Variants in GTPBP1 observed in about 807,000 individuals in gnomAD.
The protein encoded by GTPBP1 is GTP-binding protein 1.
Under a neutral mutation model 62.0 loss-of-function variants are expected in GTPBP1, and 23 were observed. The observed-to-expected ratio is 0.37, with a 90% confidence interval of 0.27 to 0.53. GTPBP1 has a LOEUF of 0.53. GTPBP1 is among the 20% of genes least tolerant of loss of function. GTPBP1 has a pLI of 0.89. For missense variants in GTPBP1, 640 were observed against 917.3 expected, an observed-to-expected ratio of 0.70 and a Z score of 3.90; for synonymous variants, 344 against 364.4, an observed-to-expected ratio of 0.94 and a Z score of 0.64.
chr22:38,736,224 C>T (rs979124845), downstream of GTPBP1: 15 of 1,573,838 alleles, frequency 9.5e-6, no homozygotes, highest in Non-Finnish European at 1.3e-5. Context: ...GGGTGCTGTT[C>T]ACCCACTCCC....
chr22:38,715,892 G>T lies in GTPBP1; in HGVS notation c.305-15G>T. The stretch of plus-strand genomic sequence containing the variant: ...GGACTCCCTCTCCTGCTGATGTCTG[G>T]GCTCTTGTCACCAGATGGGACTGAG... On this transcript the variant is annotated splice_polypyrimidine_tract_variant and intron_variant, in intron 2 of 11. Coordinates refer to ENST00000216044, the MANE Select transcript of GTPBP1 (RefSeq NM_004286.5). 1 of 1,593,510 alleles carries T rather than the reference G, an allele frequency of 6.3e-7. No individual in the cohort carries two copies. The highest frequency in any genetic ancestry group is 8.6e-7 in the Non-Finnish European group (1 of 1,169,234).
chr22:38,732,408 C>T lies in GTPBP1; in HGVS notation c.*1704C>T, dbSNP rs554509876. 1 of 152,578 alleles carries T rather than the reference C, an allele frequency of 6.6e-6. No individual in the cohort carries two copies. The highest frequency in any genetic ancestry group is 1.9e-4 in the East Asian group (1 of 5,172). 9.5% of individuals were successfully genotyped at this position (152,578 alleles called of 1,614,324 possible). On this transcript the variant is annotated 3_prime_UTR_variant, in exon 12 of 12. Coordinates refer to ENST00000216044, the MANE Select transcript of GTPBP1 (RefSeq NM_004286.5). ...TGGCTTCCGTGTTCAGGCTCCCTCA[C>T]CAGCTGGTGACACGGGACAAGCTTA...
intron 4 of GTPBP1, among the ~76,000 whole-genome samples, chr22:38,717,593 C>T (rs1004239180): frequency 3.3e-5 from 5 of 152,196 alleles, no homozygotes; most frequent in African/African-American, 4.8e-5. Flanking sequence ...TAGGGTCGAG[C>T]GTGATTAAAT....
Position 38,716,516 on chromosome 22 carries a change from C to T in GTPBP1, c.486-136C>T. ...GAACCTTCCCACTGTGCTCCTCCGG[C>T]TCAAGGAGGAGCTGTGAGCCGGAGG... On this transcript the variant is annotated intron_variant, in intron 3 of 11. Coordinates refer to ENST00000216044, the MANE Select transcript of GTPBP1 (RefSeq NM_004286.5). This position sits in a 1 kb window ranked among gnomAD's most constrained non-coding sequence, Gnocchi z 5.2. 3 of 663,344 alleles carry T rather than the reference C, an allele frequency of 4.5e-6. No individual in the cohort carries two copies. Among genetic ancestry groups the T allele is most frequent in the Non-Finnish European group, 7.9e-6 (3 of 380,254 alleles). 41.1% of individuals were successfully genotyped at this position (663,344 alleles called of 1,614,324 possible). A position where few individuals can be genotyped will look rare whatever the true frequency, so the allele number is the denominator to read the frequency against.
chr22:38,742,399 T>C, downstream of GTPBP1: 1 of 1,613,324 alleles, frequency 6.2e-7, no homozygotes, highest in Non-Finnish European at 8.5e-7. Context: ...TCCTCGTGGC[T>C]CAGGCCACCA....
Position 38,727,422 on chromosome 22 carries a change from G to A in GTPBP1, c.1537+74G>A. The stretch of plus-strand genomic sequence containing the variant: ...CCTCAGAAGGTGTTCCAGCAACCCA[G>A]GCCCCCTAGTTCCAGCTGCAGCTGG... On this transcript the variant is annotated intron_variant, in intron 9 of 11. Transcript: ENST00000216044. The surrounding 1 kb of genome is among the most constrained non-coding windows in gnomAD (Gnocchi z 6.5). 1 of 1,401,586 alleles carries A rather than the reference G, an allele frequency of 7.1e-7. No homozygotes were observed. Among genetic ancestry groups the A allele is most frequent in the Non-Finnish European group, 9.5e-7 (1 of 1,048,192 alleles). 86.8% of individuals were successfully genotyped at this position (1,401,586 alleles called of 1,614,324 possible).
downstream of GTPBP1, among the ~76,000 whole-genome samples, chr22:38,742,140 C>G (rs2092863123): frequency 6.7e-6 from 1 of 149,502 alleles, no homozygotes; most frequent in Non-Finnish European, 1.5e-5. Context: ...GAGATATTGT[C>G]TCAAAAAGAA....
downstream of GTPBP1, chr22:38,735,275 G>T (rs757490603): frequency 2.2e-6 from 1 of 455,406 alleles, no homozygotes; most frequent in Non-Finnish European, 4.4e-6. Flanking sequence ...AGCCCAAGGG[G>T]GCAGCCTGAG....
At chr22:38,734,835 A>G (rs2092787458), downstream of GTPBP1, 1 of 185,034 alleles carries the variant, frequency 5.4e-6, no homozygotes, top group African/African-American at 2.4e-5. Flanking sequence ...AGCGCAAAAC[A>G]AACCCTGGCT....
At chr22:38,713,324 A>C (rs1344192751) in intron 2 of GTPBP1, among the ~76,000 whole-genome samples, 1 of 152,200 alleles carries the variant, frequency 6.6e-6, no homozygotes, top group Admixed American at 6.5e-5. Flanking sequence ...GGAGCCATTC[A>C]TAAGCTTTGA....
chr22:38,740,030 CAGGGATAGGGTAGG>C (rs1212718791), downstream of GTPBP1: 42 of 1,472,268 alleles, frequency 2.9e-5, no homozygotes, highest in Non-Finnish European at 3.7e-5. The surrounding 1 kb of genome is among the most constrained non-coding windows in gnomAD (Gnocchi z 4.8). Flanking sequence ...AGCTGGATAG[CAGGGATAGGGTAGG>C]AGGGAGGCCA....
At chr22:38,721,063 C>A (rs950148477) in intron 4 of GTPBP1, among the ~76,000 whole-genome samples, 3 of 152,126 alleles carry the variant, frequency 2.0e-5, no homozygotes, top group Non-Finnish European at 4.4e-5. Flanking sequence ...TCCTGCCACA[C>A]CCAGTCAATT....
downstream of GTPBP1, among the ~76,000 whole-genome samples, chr22:38,742,148 GAAAAAAAA>G (rs369861899): frequency 7.8e-6 from 1 of 127,742 alleles, no homozygotes; most frequent in Non-Finnish European, 1.7e-5. Context: ...GTCTCAAAAA[GAAAAAAAA>G]AAAAGAAAAA....
At chr22:38,736,391 A>G, downstream of GTPBP1, 1 of 1,607,054 alleles carries the variant, frequency 6.2e-7, no homozygotes, top group Non-Finnish European at 8.5e-7. Context: ...CTGGGTAGAG[A>G]AGAAAGGGAT....
downstream of GTPBP1, chr22:38,741,624 C>A: frequency 6.6e-7 from 1 of 1,523,924 alleles, no homozygotes. Context: ...TTATAGGGAC[C>A]CTCATGACTA....
intron 2 of GTPBP1, among the ~76,000 whole-genome samples, chr22:38,710,433 T>C (rs1032938505): frequency 4.6e-5 from 7 of 152,222 alleles, no homozygotes; most frequent in African/African-American, 1.7e-4. Context: ...TGTGCCTTCC[T>C]TTGAAATATC....
intron 2 of GTPBP1, among the ~76,000 whole-genome samples, chr22:38,712,538 A>G (rs1039267604): frequency 2.6e-5 from 4 of 152,176 alleles, no homozygotes; most frequent in Non-Finnish European, 1.5e-5. Context: ...ATATAAGAAA[A>G]GTGAATGAGC....
intron 4 of GTPBP1, among the ~76,000 whole-genome samples, chr22:38,720,206 G>GCA: frequency 4.0e-5 from 6 of 150,812 alleles, no homozygotes; most frequent in Non-Finnish European, 2.9e-5. Context: ...GGGATTACAG[G>GCA]TGTGAGCCAC....
Position 38,706,033 on chromosome 22 carries a change from G to A in GTPBP1, c.78G>A (p.Pro26=). ...ASMFAPEPSS[P]GAARAAAAAA... ...TGTTCGCCCCCGAGCCCAGCTCCCC[G>A]GGGGCGGCCAGGGCCGCGGCGGCCG... is the stretch of plus-strand genomic sequence containing the variant. The change falls in exon 1 of 12, where the codon CCG becomes CCA. Residue 26 remains proline, a synonymous_variant. Transcript: ENST00000216044. 7.2e-7 allele frequency: 1 copy of A among 1,394,126 alleles called. No homozygotes were observed. Among genetic ancestry groups the A allele is most frequent in the South Asian group, 1.5e-5 (1 of 68,568 alleles). 86.4% of individuals were successfully genotyped at this position (1,394,126 alleles called of 1,614,324 possible). A position where few individuals can be genotyped will look rare whatever the true frequency, so the allele number is the denominator to read the frequency against.
Sources: allele counts gnomAD v4.1 joint callset (sites outside exome capture counted in the v4.1 genomes callset), GRCh38; gene constraint gnomAD v4.1.1; non-coding constraint Gnocchi (gnomAD v3.1); transcripts MANE v1.5; gene names NCBI Gene and HGNC (gene_info 2026-07-23, HGNC 2026-07-21).